The following MRTFA variants were observed in gnomAD, a reference collection of about 807,000 sequenced individuals.
MRTFA encodes myocardin-related transcription factor A.
Under a neutral mutation model 83.5 loss-of-function variants are expected in MRTFA, and 20 were observed. That is an observed-to-expected ratio of 0.24 (90% CI 0.17 to 0.35). MRTFA has a LOEUF of 0.35. MRTFA is among the 10% of genes least tolerant of loss of function. The pLI is 1.00. For synonymous variants in MRTFA, 659 were observed against 541.2 expected (o/e 1.22, Z -3.02); for missense variants, 1,200 against 1,224.7 (o/e 0.98, Z 0.30).
chr22:40,452,676 T>C (rs2053515955), intron 4 of MRTFA, among the ~76,000 whole-genome samples: 1 of 151,746 alleles, frequency 6.6e-6, no homozygotes, highest in African/African-American at 2.4e-5. Context: ...CGGGCGTGGG[T>C]GGCAGGCGCC....
rs768043680 is a variant in MRTFA at position 40,423,638 on chromosome 22, G to A, written c.825C>T (p.Phe275=). Residue 275 remains phenylalanine, a synonymous_variant, in exon 9 of 15, where the codon TTC becomes TTT. Transcript: ENST00000355630. ...GAGGCAGAGGAGGCTGCTCTGCCAG[G>A]AAAAGCATTTCTCTGGAATCCCGGC... 1.3e-6 allele frequency: 2 copies of A among 1,593,104 alleles called. No homozygotes were observed. Among genetic ancestry groups the A allele is most frequent in the East Asian group, 2.3e-5 (1 of 43,540 alleles).
At chr22:40,596,267 A>T (rs1374970510) in intron 1 of MRTFA, among the ~76,000 whole-genome samples, 1 of 152,204 alleles carries the variant, frequency 6.6e-6, no homozygotes, top group African/African-American at 2.4e-5. Flanking sequence ...AGTTGGAAGA[A>T]GAAAGAAAGA....
intron 4 of MRTFA, among the ~76,000 whole-genome samples, chr22:40,449,066 C>A (rs867649935): frequency 9.9e-5 from 15 of 152,080 alleles, no homozygotes; most frequent in Middle Eastern, 3.2e-3. Context: ...GACATTGAGA[C>A]CATCCCGGCT....
At chr22:40,509,107 A>G (rs1005352737) in intron 3 of MRTFA, among the ~76,000 whole-genome samples, 2 of 152,186 alleles carry the variant, frequency 1.3e-5, no homozygotes, top group Non-Finnish European at 2.9e-5. Flanking sequence ...TTAACTATAC[A>G]ATTCTTCCTT....
At chr22:40,558,154 T>C (rs928806166) in intron 2 of MRTFA, among the ~76,000 whole-genome samples, 2 of 150,720 alleles carry the variant, frequency 1.3e-5, no homozygotes, top group Admixed American at 1.3e-4. Context: ...GGCACGATCA[T>C]AGCTCACTGC....
At chr22:40,483,721 G>C (rs954781273) in intron 3 of MRTFA, among the ~76,000 whole-genome samples, 4 of 151,778 alleles carry the variant, frequency 2.6e-5, no homozygotes, top group Admixed American at 6.6e-5. Flanking sequence ...TAAAAAGATA[G>C]GTCTCATTCT....
intron 4 of MRTFA, among the ~76,000 whole-genome samples, chr22:40,443,632 T>C (rs1197542415): frequency 6.6e-6 from 1 of 152,212 alleles, no homozygotes; most frequent in Non-Finnish European, 1.5e-5. Flanking sequence ...AGAAAACTTT[T>C]AGATACTTGT....
chr22:40,446,439 G>A (rs1185152361), intron 4 of MRTFA, among the ~76,000 whole-genome samples: 1 of 152,098 alleles, frequency 6.6e-6, no homozygotes, highest in Non-Finnish European at 1.5e-5. Flanking sequence ...TAGGGAAGTG[G>A]GGGAGAAACT....
chr22:40,529,067 T>C (rs983175194), intron 3 of MRTFA, among the ~76,000 whole-genome samples: 1 of 152,114 alleles, frequency 6.6e-6, no homozygotes, highest in Non-Finnish European at 1.5e-5. Context: ...TGAACCCAAA[T>C]GGGGCACCTT....
At chr22:40,475,021 T>C (rs2147173849) in intron 3 of MRTFA, among the ~76,000 whole-genome samples, 1 of 152,046 alleles carries the variant, frequency 6.6e-6, no homozygotes, top group Admixed American at 6.5e-5. Context: ...GTATTTTTAG[T>C]AGAGACGAAG....
intron 3 of MRTFA, among the ~76,000 whole-genome samples, chr22:40,545,911 G>C (rs2147302656): frequency 6.6e-6 from 1 of 150,780 alleles, no homozygotes; most frequent in East Asian, 2.0e-4. Flanking sequence ...TTTTTTAGTA[G>C]AGGAGGGGTT....
chr22:40,475,902 C>T (rs1015435517), intron 3 of MRTFA, among the ~76,000 whole-genome samples: 3 of 152,064 alleles, frequency 2.0e-5, no homozygotes, highest in East Asian at 1.9e-4. Flanking sequence ...CCCAGCACTT[C>T]GGGAGGCCGA....
At chr22:40,451,974 G>GT (rs1569272583) in intron 4 of MRTFA, among the ~76,000 whole-genome samples, 2 of 39,558 alleles carry the variant, frequency 5.1e-5, no homozygotes, top group Non-Finnish European at 4.9e-5. Flanking sequence ...TTTTTTTTTT[G>GT]GTTTTTTTTT....
At chr22:40,616,815 T>A (rs55669535) in intron 1 of MRTFA, among the ~76,000 whole-genome samples, 15,270 of 151,680 alleles carry the variant, frequency 0.1, 917 homozygotes, top group East Asian at 0.25. Context: ...AAAGATGGAG[T>A]AGCTGAGCAC....
intron 6 of MRTFA, among the ~76,000 whole-genome samples, chr22:40,430,791 T>A (rs1477307652): frequency 7.8e-6 from 1 of 128,710 alleles, no homozygotes; most frequent in East Asian, 2.3e-4. Flanking sequence ...ACCTGGAAGA[T>A]AAGAGGTTGC....
At chr22:40,539,479 C>A (rs532535014) in intron 3 of MRTFA, among the ~76,000 whole-genome samples, 2 of 130,428 alleles carry the variant, frequency 1.5e-5, no homozygotes, top group Admixed American at 1.5e-4. Flanking sequence ...AGCTGGACTA[C>A]GGGCGCCCAC....
Position 40,619,716 on chromosome 22 carries a change from C to G in MRTFA, c.-84+16762G>C, listed in dbSNP as rs375651218. On this transcript the variant is annotated intron_variant, in intron 1 of 14. Transcript: ENST00000355630. The stretch of plus-strand genomic sequence containing the variant: ...CATCCTGGCTAACACAGTGAAACCC[C>G]GTCTCTACTAAAAGTACAAAAAAAT... Among the ~76,000 whole-genome samples, 446 of 151,620 alleles carry G rather than the reference C, an allele frequency of 2.9e-3. 4 individuals carry two copies. The highest frequency in any genetic ancestry group is 0.01 in the African/African-American group (426 of 41,354).
chr22:40,608,173 G>C (rs1376808049), intron 1 of MRTFA, among the ~76,000 whole-genome samples: 1 of 151,952 alleles, frequency 6.6e-6, no homozygotes, highest in Admixed American at 6.6e-5. Context: ...TACACACCCG[G>C]CTACTTTTTT....
At chr22:40,620,520 T>A (rs1319403688) in intron 1 of MRTFA, among the ~76,000 whole-genome samples, 13 of 148,712 alleles carry the variant, frequency 8.7e-5, no homozygotes, top group African/African-American at 3.0e-4. Context: ...GTGATCCACC[T>A]GGCTTGGCTT....
Sources: gnomAD v4.1 joint callset for allele counts (sites outside exome capture counted in the v4.1 genomes callset) on GRCh38, gnomAD v4.1.1 for gene constraint, MANE v1.5 for transcripts, NCBI Gene and HGNC (gene_info 2026-07-23, HGNC 2026-07-21) for gene names.